Variants in AKAP13 observed in about 807,000 individuals in gnomAD.
AKAP13 encodes A-kinase anchor protein 13.
AKAP13 carries 80 observed loss-of-function variants against 264.5 expected under a neutral mutation model. The ratio of observed to expected loss-of-function variants is 0.30; its 90% CI spans 0.25 to 0.36. The LOEUF (loss-of-function observed/expected upper bound fraction) is 0.36, where lower values mean the gene tolerates loss of function less well. Ranked by LOEUF, AKAP13 falls within the 10% of genes least tolerant of loss-of-function variation. AKAP13 has a pLI of 1.00. For synonymous variants in AKAP13, 1,380 were observed against 1,250.2 expected (o/e 1.10, Z -2.19); for missense variants, 3,712 against 3,435.2 (o/e 1.08, Z -2.01).
At chr15:85,399,523 TAA>T (rs1367253621) in intron 1 of AKAP13, among the ~76,000 whole-genome samples, 2,226 of 77,876 alleles carry the variant, frequency 0.029, 64 homozygotes, top group South Asian at 0.066. Context: ...AAAAAAAAAA[TAA>T]AAAAATAAAA....
chr15:85,677,480 GT>G (rs1245108071), intron 14 of AKAP13, among the ~76,000 whole-genome samples: 1 of 152,058 alleles, frequency 6.6e-6, no homozygotes, highest in African/African-American at 2.4e-5. Flanking sequence ...GTGTTGTTCT[GT>G]CTCATGGGAC....
chr15:85,399,502 C>CAAAAAAAAAAAAAAAAAAA (rs71138392), intron 1 of AKAP13, among the ~76,000 whole-genome samples: 2 of 77,072 alleles, frequency 2.6e-5, no homozygotes, highest in East Asian at 3.8e-4. Flanking sequence ...GACTCCGTCT[C>CAAAAAAAAAAAAAAAAAAA]AAAAAAAAAA....
chr15:85,717,703 G>C lies in AKAP13; in HGVS notation c.5848+301G>C, dbSNP rs138864001. Among the ~76,000 whole-genome samples the C allele has an allele frequency of 1.3e-4, 20 of 152,284 alleles. No homozygotes were observed. The East Asian group carries it at 3.3e-3, about 25-fold the overall frequency. ...TAGCTCACAGAGCAATTGTAAGCCTGCTCTCTTAAATATGAAAAGGTACCA... is the reference window on the plus strand; with the variant it reads ...TAGCTCACAGAGCAATTGTAAGCCTCCTCTCTTAAATATGAAAAGGTACCA... On this transcript the variant is annotated intron_variant, in intron 21 of 36. Transcript: ENST00000394518.
chr15:85,662,767 C>T (rs986207829), intron 12 of AKAP13, among the ~76,000 whole-genome samples: 3 of 152,180 alleles, frequency 2.0e-5, no homozygotes, highest in African/African-American at 7.2e-5. Context: ...CCGAAGAAAA[C>T]AATCAAAGAA....
chr15:85,622,807 T>G (rs1319603556), intron 8 of AKAP13, among the ~76,000 whole-genome samples: 4 of 152,192 alleles, frequency 2.6e-5, no homozygotes, highest in Admixed American at 2.6e-4. Flanking sequence ...AAGTCCATGT[T>G]TTTCCTGCTA....
At chr15:85,653,340 C>G (rs1300501311) in intron 10 of AKAP13, among the ~76,000 whole-genome samples, 1 of 152,188 alleles carries the variant, frequency 6.6e-6, no homozygotes, top group Non-Finnish European at 1.5e-5. Context: ...GGGTTCAAAT[C>G]TTGATTCTGC....
intron 10 of AKAP13, among the ~76,000 whole-genome samples, chr15:85,649,318 C>T (rs572405471): frequency 6.6e-6 from 1 of 152,286 alleles, no homozygotes; most frequent in East Asian, 1.9e-4. Flanking sequence ...TTATTTTACT[C>T]TCAACCTCCC....
intron 3 of AKAP13, among the ~76,000 whole-genome samples, chr15:85,525,484 A>G (rs1302613838): frequency 2.0e-5 from 3 of 152,254 alleles, no homozygotes; most frequent in African/African-American, 2.4e-5. Context: ...TGTGCTGATT[A>G]ACACTGGAGG....
At chr15:85,457,449 T>G (rs1321755281) in intron 1 of AKAP13, among the ~76,000 whole-genome samples, 12 of 152,216 alleles carry the variant, frequency 7.9e-5, no homozygotes, top group Non-Finnish European at 1.8e-4. Context: ...ACCTTTCTTT[T>G]GGGAAGCACT....
intron 3 of AKAP13, among the ~76,000 whole-genome samples, chr15:85,531,862 A>C (rs150558549): frequency 2.0e-5 from 3 of 152,302 alleles, no homozygotes; most frequent in African/African-American, 7.2e-5. Flanking sequence ...CATCATTCCA[A>C]GTGTTAGGCT....
chr15:85,652,807 C>T (rs888598490), intron 10 of AKAP13, among the ~76,000 whole-genome samples: 2 of 152,178 alleles, frequency 1.3e-5, no homozygotes, highest in Non-Finnish European at 2.9e-5. Flanking sequence ...ACTCCAATCT[C>T]TCCTCTGCCT....
intron 1 of AKAP13, among the ~76,000 whole-genome samples, chr15:85,433,355 G>T (rs1366830150): frequency 6.6e-6 from 1 of 152,068 alleles, no homozygotes; most frequent in African/African-American, 2.4e-5. Context: ...TATCCAAAAT[G>T]CTTGTGACCA....
At chr15:85,677,380 TC>T (rs1338137786) in intron 14 of AKAP13, among the ~76,000 whole-genome samples, 1 of 152,186 alleles carries the variant, frequency 6.6e-6, no homozygotes, top group African/African-American at 2.4e-5. Flanking sequence ...GGGGGTGTGT[TC>T]CCATCCCATT....
intron 1 of AKAP13, among the ~76,000 whole-genome samples, chr15:85,470,230 A>G (rs557710613): frequency 3.0e-4 from 45 of 152,254 alleles, no homozygotes; most frequent in African/African-American, 1.1e-3. Context: ...CGGAGGTTGT[A>G]GTGAGCCGAG....
chr15:85,557,569 G>A (rs748858776), intron 5 of AKAP13, among the ~76,000 whole-genome samples: 1 of 151,878 alleles, frequency 6.6e-6, no homozygotes, highest in Non-Finnish European at 1.5e-5. Flanking sequence ...CTGTAGCCTC[G>A]ACATCCTACC....
At chr15:85,643,943 A>G (rs399560) in intron 9 of AKAP13, among the ~76,000 whole-genome samples, 97,136 of 152,078 alleles carry the variant, frequency 0.64, 31,213 homozygotes, top group Middle Eastern at 0.73. Context: ...TGGATGGCAC[A>G]TAGCGACAGG....
rs1203767553 is a variant in AKAP13 at position 85,645,968 on chromosome 15, C to T, written c.4374+14C>T. The T allele has an allele frequency of 1.3e-6, 2 of 1,598,072 alleles. No homozygotes were observed. Among genetic ancestry groups the T allele is most frequent in the Non-Finnish European group, 1.7e-6 (2 of 1,175,680 alleles). Reference sequence around the variant, plus strand: ...ATCTTCCCAAAGGTACTGTGTGGACCTTCCTTTCATTTTTGTCACACGGCT... The same window carrying T: ...ATCTTCCCAAAGGTACTGTGTGGACTTTCCTTTCATTTTTGTCACACGGCT... On this transcript the variant is annotated intron_variant, in intron 10 of 36. Coordinates refer to ENST00000394518, the MANE Select transcript of AKAP13 (RefSeq NM_007200.5).
At chr15:85,641,735 C>T (rs2151479392) in intron 9 of AKAP13, among the ~76,000 whole-genome samples, 1 of 151,960 alleles carries the variant, frequency 6.6e-6, no homozygotes, top group South Asian at 2.1e-4. Flanking sequence ...ATCCATCCCC[C>T]TCATCCTTCC....
intron 17 of AKAP13, chr15:85,702,443 C>G (rs1391184682): frequency 6.6e-6 from 1 of 152,148 alleles, no homozygotes; most frequent in Non-Finnish European, 1.5e-5. Context: ...TTTGGGGACG[C>G]AGAATCTTTC....
Sources: gnomAD v4.1 joint callset for allele counts (sites outside exome capture counted in the v4.1 genomes callset) on GRCh38, gnomAD v4.1.1 for gene constraint, MANE v1.5 for transcripts, NCBI Gene and HGNC (gene_info 2026-07-23, HGNC 2026-07-21) for gene names.